Variants in PLXNA4 observed in about 807,000 individuals in gnomAD.
PLXNA4 encodes the protein plexin-A4.
PLXNA4 carries 44 observed loss-of-function variants against 191.8 expected under a neutral mutation model. That is an observed-to-expected ratio of 0.23 (90% confidence interval 0.18 to 0.29). PLXNA4 has a LOEUF of 0.29. Ranked by LOEUF, PLXNA4 falls within the 10% of genes least tolerant of loss-of-function variation. The probability of loss-of-function intolerance (pLI) is 1.00; values close to 1 mark genes in which losing one functional copy is unlikely to be tolerated. For synonymous variants in PLXNA4, 1,082 were observed against 1,009.5 expected (o/e 1.07, Z -1.36); for missense variants, 1,800 against 2,488.8 (o/e 0.72, Z 5.89).
At chr7:132,446,116 G>A (rs565252854) in intron 3 of PLXNA4, among the ~76,000 whole-genome samples, 3 of 152,268 alleles carry the variant, frequency 2.0e-5, no homozygotes, top group South Asian at 2.1e-4. Flanking sequence ...GAGGTAGACT[G>A]ACCCCCAACC....
At chr7:132,294,293 G>C (rs1429706081) in intron 4 of PLXNA4, among the ~76,000 whole-genome samples, 5 of 152,184 alleles carry the variant, frequency 3.3e-5, no homozygotes, top group African/African-American at 2.4e-5. Context: ...TATTGCAGGA[G>C]CATCACAGAG....
chr7:132,264,236 A>C (rs576672220), intron 4 of PLXNA4: 23 of 152,340 alleles, frequency 1.5e-4, no homozygotes, highest in African/African-American at 5.1e-4. Context: ...AATTGCTATG[A>C]AGGAATCCAT....
In PLXNA4 at chr7:132,125,435, C is replaced by T. The variant is rs1794741983; in HGVS notation, c.*5044G>A. ...TTTTTTTTCAATGGGGGAGGCTCCT[C>T]CTGTCCTCTGAACCTCTCCTCATCC... On this transcript the variant is annotated 3_prime_UTR_variant, in exon 32 of 32. Transcript: ENST00000321063. 6.6e-6 allele frequency: 1 copy of T among 152,020 alleles called. No individual in the cohort carries two copies. Among genetic ancestry groups the T allele is most frequent in the South Asian group, 2.1e-4 (1 of 4,818 alleles). The allele number at this position is 152,020 out of a possible 1,614,324, so 9.4% of individuals were successfully genotyped here.
chr7:132,551,904 T>A (rs1324338629), intron 1 of PLXNA4, among the ~76,000 whole-genome samples: 1 of 152,150 alleles, frequency 6.6e-6, no homozygotes, highest in South Asian at 2.1e-4. Flanking sequence ...ATGAACATAC[T>A]AATTAGTGTA....
intron 2 of PLXNA4, among the ~76,000 whole-genome samples, chr7:132,494,129 T>C (rs1345343920): frequency 6.6e-6 from 1 of 152,178 alleles, no homozygotes; most frequent in African/African-American, 2.4e-5. Context: ...TTTGAGGAAA[T>C]TCATGGTATC....
At chr7:132,367,115 C>T (rs568287516) in intron 3 of PLXNA4, among the ~76,000 whole-genome samples, 1 of 152,182 alleles carries the variant, frequency 6.6e-6, no homozygotes, top group Non-Finnish European at 1.5e-5. Flanking sequence ...CTAAGATTAC[C>T]TGGAAATGAA....
At chr7:132,189,346 A>C (rs1337766877) in intron 14 of PLXNA4, among the ~76,000 whole-genome samples, 6 of 152,052 alleles carry the variant, frequency 3.9e-5, no homozygotes, top group Admixed American at 2.0e-4. Context: ...TTGCACAGGA[A>C]ATCAAATTCT....
At chr7:132,345,411 A>C (rs1446133154) in intron 3 of PLXNA4, among the ~76,000 whole-genome samples, 1 of 152,236 alleles carries the variant, frequency 6.6e-6, no homozygotes, top group Non-Finnish European at 1.5e-5. Context: ...TCCTAATGTC[A>C]AGAAAGCTCA....
intron 3 of PLXNA4, among the ~76,000 whole-genome samples, chr7:132,431,233 C>T (rs1180189204): frequency 1.3e-5 from 2 of 152,118 alleles, no homozygotes; most frequent in Non-Finnish European, 2.9e-5. Flanking sequence ...TGTCCATTGG[C>T]CAGGAGTCCC....
At chr7:132,231,103 T>C (rs1232062577) in intron 5 of PLXNA4, among the ~76,000 whole-genome samples, 2 of 152,226 alleles carry the variant, frequency 1.3e-5, no homozygotes, top group Non-Finnish European at 1.5e-5. Context: ...TTAGGTTTTA[T>C]AGGGAAGCCA....
At chr7:132,170,362 C>T (rs1013400483) in intron 21 of PLXNA4, among the ~76,000 whole-genome samples, 13 of 152,106 alleles carry the variant, frequency 8.5e-5, no homozygotes, top group Admixed American at 5.2e-4. Flanking sequence ...TCATAAATCC[C>T]GGCACTTGGC....
At chr7:132,605,008 G>C (rs1005537588) in intron 2 of PLXNA4, among the ~76,000 whole-genome samples, 1 of 152,162 alleles carries the variant, frequency 6.6e-6, no homozygotes, top group African/African-American at 2.4e-5. Flanking sequence ...AACCTAAAAA[G>C]CAGTGCTTTT....
At chr7:132,147,523 G>A (rs1346169557) in intron 27 of PLXNA4, among the ~76,000 whole-genome samples, 1 of 152,116 alleles carries the variant, frequency 6.6e-6, no homozygotes, top group Non-Finnish European at 1.5e-5. Flanking sequence ...AATAACAGTG[G>A]CTCTTACAAA....
intron 1 of PLXNA4, among the ~76,000 whole-genome samples, chr7:132,514,597 T>G (rs1360717387): frequency 6.6e-6 from 1 of 152,070 alleles, no homozygotes; most frequent in Non-Finnish European, 1.5e-5. Context: ...GTGGGCCTCA[T>G]GTAATCAGTT....
At chr7:132,226,282 G>T in intron 7 of PLXNA4, 22 bp from the exon 8 acceptor site, 1 of 1,599,476 alleles carries the variant, frequency 6.3e-7, no homozygotes, top group South Asian at 1.1e-5. Context: ...GATGGCTGAG[G>T]GGTCAGGGAA....
intron 3 of PLXNA4, among the ~76,000 whole-genome samples, chr7:132,416,295 G>A (rs886935110): frequency 6.6e-6 from 1 of 152,210 alleles, no homozygotes; most frequent in Non-Finnish European, 1.5e-5. Flanking sequence ...AGAACCTAGG[G>A]CAGCATGACA....
chr7:132,539,231 C>T (rs1799971114), intron 1 of PLXNA4, among the ~76,000 whole-genome samples: 1 of 152,186 alleles, frequency 6.6e-6, no homozygotes, highest in Non-Finnish European at 1.5e-5. Flanking sequence ...AAGACCGTGC[C>T]CTGTCCAAGG....
chr7:132,245,693 C>T (rs1799025410), intron 4 of PLXNA4, among the ~76,000 whole-genome samples: 1 of 152,198 alleles, frequency 6.6e-6, no homozygotes, highest in African/African-American at 2.4e-5. Flanking sequence ...AAATATCCAT[C>T]AACAGATGAA....
intron 2 of PLXNA4, among the ~76,000 whole-genome samples, chr7:132,631,485 T>A (rs958456757): frequency 3.9e-5 from 6 of 152,140 alleles, no homozygotes; most frequent in Non-Finnish European, 7.4e-5. Flanking sequence ...GAGATAGGCA[T>A]TTCCAGTAGA....
Sources: gnomAD v4.1 joint callset for allele counts (sites outside exome capture counted in the v4.1 genomes callset) on GRCh38, gnomAD v4.1.1 for gene constraint, MANE v1.5 for transcripts, NCBI Gene and HGNC (gene_info 2026-07-23, HGNC 2026-07-21) for gene names.